The following PIK3C2B variants were observed in gnomAD, a reference collection of about 807,000 sequenced individuals.
The protein encoded by PIK3C2B is phosphatidylinositol 4-phosphate 3-kinase C2 domain-containing subunit beta.
PIK3C2B carries 83 observed loss-of-function variants against 184.3 expected under a neutral mutation model. That is an observed-to-expected ratio of 0.45 (90% CI 0.38 to 0.54). The LOEUF (loss-of-function observed/expected upper bound fraction) is 0.54. Ranked by LOEUF, PIK3C2B falls within the 20% of genes least tolerant of loss-of-function variation. PIK3C2B has a pLI of 0.00. For missense variants in PIK3C2B, 1,736 were observed against 2,113.5 expected (o/e 0.82, Z 3.50); for synonymous variants, 779 against 837.6 (o/e 0.93, Z 1.21).
At chr1:204,438,588 C>T (rs1675477002) in intron 23 of PIK3C2B, among the ~76,000 whole-genome samples, 1 of 152,234 alleles carries the variant, frequency 6.6e-6, no homozygotes, top group Non-Finnish European at 1.5e-5. Flanking sequence ...GAAAGTACCA[C>T]TGAACCCTCT....
Position 204,433,518 on chromosome 1 carries a change from G to A in PIK3C2B, c.3844-93C>T. The A allele has an allele frequency of 1.2e-6, 1 of 855,138 alleles. No homozygotes were observed. The highest frequency in any genetic ancestry group is 1.9e-6 in the Non-Finnish European group (1 of 516,818). 53.0% of individuals were successfully genotyped at this position (855,138 alleles called of 1,614,324 possible). A position where few individuals can be genotyped will look rare whatever the true frequency, so the allele number is the denominator to read the frequency against. On this transcript the variant is annotated intron_variant, in intron 25 of 32. Transcript: ENST00000684373. The surrounding 1 kb of genome is among the most constrained non-coding windows in gnomAD (Gnocchi z 5.0). ...CTTAGGCAAGGTTTTCTACAGCTAG[G>A]CTCCCTAACCCTTCTAGAGGGTGGT... is the stretch of plus-strand genomic sequence containing the variant.
chr1:204,448,163 G>C (rs1654033108), intron 14 of PIK3C2B, among the ~76,000 whole-genome samples: 1 of 152,108 alleles, frequency 6.6e-6, no homozygotes, highest in East Asian at 1.9e-4. Context: ...ACCCAGGCTG[G>C]AGTGCAGGGG....
intron 13 of PIK3C2B, 62 bp from the exon 14 acceptor site, chr1:204,449,358 C>T: frequency 8.1e-7 from 1 of 1,229,230 alleles, no homozygotes; most frequent in Non-Finnish European, 1.2e-6. Context: ...ATTTCTACTG[C>T]TCCCCCAATC....
At position 204,454,731 on chromosome 1, in the gene PIK3C2B, G is replaced by A. The variant is rs1253432635; in HGVS notation, c.2004C>T (p.Pro668=). The part of the protein sequence containing the change: ...LSHGGKELCS[P]LQTRRAHFSK... ...AGAAGTGAGCTCTTCGGGTCTGCAG[G>A]GGGCTGCACAGCTCCTTGCCGCCAT... Residue 668 remains proline, a synonymous_variant, in exon 12 of 33, where the codon CCC becomes CCT. Coordinates refer to ENST00000684373, the MANE Select transcript of PIK3C2B (RefSeq NM_001377334.1). The A allele has an allele frequency of 1.2e-6, 2 of 1,613,496 alleles. No homozygotes were observed. Among genetic ancestry groups the A allele is most frequent in the South Asian group, 1.1e-5 (1 of 91,094 alleles).
At chr1:204,452,691 G>C (rs1160431126) in intron 12 of PIK3C2B, among the ~76,000 whole-genome samples, 3 of 108,114 alleles carry the variant, frequency 2.8e-5, no homozygotes, top group African/African-American at 3.6e-5. Flanking sequence ...GTCTCACTCT[G>C]TTGCCCAGGC....
intron 12 of PIK3C2B, among the ~76,000 whole-genome samples, chr1:204,451,646 TCA>T (rs75573410): frequency 0.16 from 24,188 of 152,128 alleles, 2,323 homozygotes; most frequent in East Asian, 0.4. Context: ...TCTCTGTGCC[TCA>T]GTTTCTCATC....
intron 1 of PIK3C2B, among the ~76,000 whole-genome samples, chr1:204,488,919 C>T (rs893001992): frequency 1.3e-5 from 2 of 152,180 alleles, no homozygotes; most frequent in African/African-American, 2.4e-5. Context: ...TTAACATGAT[C>T]TGATAGACTT....
At chr1:204,457,686 C>T (rs754202810) in intron 9 of PIK3C2B, 42 bp downstream of exon 9, 4 of 1,553,574 alleles carry the variant, frequency 2.6e-6, no homozygotes, top group Non-Finnish European at 3.5e-6. Flanking sequence ...CTGACAGTAT[C>T]CCTCTCTTCC....
intron 8 of PIK3C2B, among the ~76,000 whole-genome samples, chr1:204,458,630 A>G (rs1042502277): frequency 2.6e-5 from 4 of 151,758 alleles, no homozygotes; most frequent in Non-Finnish European, 5.9e-5. Flanking sequence ...AATAGCTGGG[A>G]TTACAGGCGC....
intron 1 of PIK3C2B, chr1:204,490,216 A>G (rs1055651113): frequency 1.8e-5 from 6 of 334,554 alleles, no homozygotes; most frequent in African/African-American, 1.3e-4. Context: ...AAGAGGAAGG[A>G]GTGAATTGCT....
At chr1:204,455,365 C>A (rs1285319392) in intron 11 of PIK3C2B, among the ~76,000 whole-genome samples, 1 of 152,134 alleles carries the variant, frequency 6.6e-6, no homozygotes, top group African/African-American at 2.4e-5. Flanking sequence ...GGGTAGGGCC[C>A]AGTGCCTATT....
At chr1:204,448,031 T>A (rs1332890833) in intron 14 of PIK3C2B, among the ~76,000 whole-genome samples, 1 of 152,238 alleles carries the variant, frequency 6.6e-6, no homozygotes, top group Admixed American at 6.5e-5. Flanking sequence ...CAGATGTTCA[T>A]CCTACTAAAG....
At chr1:204,439,746 T>G (rs1432952956) in intron 22 of PIK3C2B, among the ~76,000 whole-genome samples, 1 of 152,188 alleles carries the variant, frequency 6.6e-6, no homozygotes, top group Non-Finnish European at 1.5e-5. Context: ...GCGATCCATC[T>G]GCCTCAGCCT....
intron 28 of PIK3C2B, chr1:204,431,307 C>T (rs997181428): frequency 1.2e-4 from 32 of 277,396 alleles, no homozygotes; most frequent in African/African-American, 5.0e-4. Context: ...CGTTGTTACC[C>T]GTGTCGAAAT....
intron 10 of PIK3C2B, 193 bp from the exon 11 acceptor site, chr1:204,456,244 A>C: frequency 2.1e-6 from 1 of 467,428 alleles, no homozygotes; most frequent in East Asian, 3.3e-5. Context: ...TGAGCTTTTC[A>C]TAAAATGACA....
chr1:204,424,929 G>A lies in PIK3C2B; in HGVS notation c.4828C>T (p.Arg1610Cys), dbSNP rs747003072. The change falls in exon 33 of 33, where the codon CGC (arginine) becomes TGC (cysteine). Residue 1610 changes from arginine (R) to cysteine (C), a missense_variant. Physicochemically the swap from Arg to Cys is radical, Grantham distance 180 (BLOSUM62 -3). Transcript: ENST00000684373. ...TGAGCCAGGTCCAGCTCTCGCAGGC[G>A]GATGTTCACCTCACCGAGGAGGACG... ...ENVLLGEVNIRLRELDLAQEK... is the reference protein window; with the variant it reads ...ENVLLGEVNICLRELDLAQEK... 2.5e-5 allele frequency: 40 copies of A among 1,614,072 alleles called. No individual in the cohort carries two copies. The Admixed American group carries it at 3.5e-4, about 14-fold the overall frequency.
chr1:204,438,873 G>C (rs1036073331), intron 23 of PIK3C2B, 62 bp downstream of exon 23: 1 of 1,565,518 alleles, frequency 6.4e-7, no homozygotes, highest in Non-Finnish European at 8.7e-7. Flanking sequence ...TGTGGTTAAA[G>C]AGCTGTGTGC....
At chr1:204,464,743 G>A in intron 3 of PIK3C2B, 139 bp from the exon 4 acceptor site, 2 of 718,438 alleles carry the variant, frequency 2.8e-6, no homozygotes, top group Non-Finnish European at 4.5e-6. Context: ...TGCAGGCCAG[G>A]ATGGGGGCAG....
intron 13 of PIK3C2B, 74 bp downstream of exon 13, chr1:204,449,776 A>T: frequency 7.2e-7 from 1 of 1,386,998 alleles, no homozygotes; most frequent in Non-Finnish European, 9.8e-7. Context: ...TGGCCAGTGC[A>T]GCAGCCAGGC....
Sources: gnomAD v4.1 joint callset for allele counts (sites outside exome capture counted in the v4.1 genomes callset) on GRCh38, gnomAD v4.1.1 for gene constraint, Gnocchi (gnomAD v3.1) non-coding constraint, MANE v1.5 for transcripts, NCBI Gene and HGNC (gene_info 2026-07-23, HGNC 2026-07-21) for gene names.